The following GRM8 variants were observed in gnomAD, a reference collection of about 807,000 sequenced individuals.
GRM8 encodes metabotropic glutamate receptor 8.
Under a neutral mutation model 87.2 loss-of-function variants are expected in GRM8, and 47 were observed. The observed-to-expected ratio is 0.54, with a 90% CI of 0.43 to 0.69. The LOEUF (loss-of-function observed/expected upper bound fraction) is 0.69. Among genes scored for constraint, GRM8 ranks in the 30% least tolerant of loss-of-function variants. The probability of loss-of-function intolerance (pLI) is 0.00; values close to 1 mark genes in which losing one functional copy is unlikely to be tolerated. For missense variants in GRM8, 1,019 were observed against 1,139.2 expected (o/e 0.89, Z 1.52); for synonymous variants, 396 against 404.5 (o/e 0.98, Z 0.25).
intron 2 of GRM8, among the ~76,000 whole-genome samples, chr7:127,155,400 T>A (rs757221338): frequency 6.6e-6 from 1 of 152,224 alleles, no homozygotes; most frequent in Non-Finnish European, 1.5e-5. Context: ...TCATCCAACG[T>A]AACTCTCATC....
intron 3 of GRM8, among the ~76,000 whole-genome samples, chr7:127,058,866 T>C (rs1820283510): frequency 6.6e-6 from 1 of 152,216 alleles, no homozygotes; most frequent in South Asian, 2.1e-4. Flanking sequence ...CAAAAATATG[T>C]AGTTACCAGT....
At position 126,497,525 on chromosome 7, in the gene GRM8, G is replaced by A. The variant is rs140211333; in HGVS notation, c.2430+35427C>T. Among the ~76,000 whole-genome samples, 361 of 151,954 alleles carry A rather than the reference G, an allele frequency of 2.4e-3. 3 individuals carry two copies. Among genetic ancestry groups the A allele is most frequent in the African/African-American group, 8.1e-3 (338 of 41,504 alleles). The stretch of plus-strand genomic sequence containing the variant: ...ACTGGCTGTGTATGTAGATATATTC[G>A]AAATAATATTAGATGGTCCCAGTTG... On this transcript the variant is annotated intron_variant, in intron 9 of 10. Coordinates refer to ENST00000339582, the MANE Select transcript of GRM8 (RefSeq NM_000845.3).
At chr7:127,213,752 T>C (rs1434163640) in intron 2 of GRM8, among the ~76,000 whole-genome samples, 1 of 152,252 alleles carries the variant, frequency 6.6e-6, no homozygotes, top group African/African-American at 2.4e-5. Flanking sequence ...TTAGGTTTTA[T>C]GTTTACTTTG....
chr7:126,958,103 G>A lies in GRM8; in HGVS notation c.728-53420C>T, dbSNP rs192411958. On this transcript the variant is annotated intron_variant, in intron 3 of 10. Coordinates refer to ENST00000339582, the MANE Select transcript of GRM8 (RefSeq NM_000845.3). ...CTCAACTTGTTGAGGTGACCTGCCT[G>A]CAGAAAGGAGCTACCCTCCTGAGAG... Among the ~76,000 whole-genome samples the A allele has an allele frequency of 4.3e-3, 648 of 152,284 alleles. 1 individual carries two copies. The highest frequency in any genetic ancestry group is 0.01 in the Middle Eastern group (3 of 294).
At chr7:126,469,189 A>G (rs1804855133) in intron 9 of GRM8, among the ~76,000 whole-genome samples, 1 of 152,110 alleles carries the variant, frequency 6.6e-6, no homozygotes, top group African/African-American at 2.4e-5. Flanking sequence ...GTAGATGGCT[A>G]TCACATTCTA....
chr7:126,461,869 T>C (rs1365353591), intron 9 of GRM8, among the ~76,000 whole-genome samples: 1 of 151,698 alleles, frequency 6.6e-6, no homozygotes, highest in African/African-American at 2.4e-5. Flanking sequence ...TTACATTGCA[T>C]TGCATTTTCC....
intron 6 of GRM8, among the ~76,000 whole-genome samples, chr7:126,771,667 C>A (rs1230966888): frequency 6.6e-6 from 1 of 152,114 alleles, no homozygotes; most frequent in South Asian, 2.1e-4. Flanking sequence ...GTTTTCTAAA[C>A]CTTTCTTGCC....
At chr7:127,132,625 G>C (rs1827748532) in intron 2 of GRM8, among the ~76,000 whole-genome samples, 1 of 152,054 alleles carries the variant, frequency 6.6e-6, no homozygotes, top group African/African-American at 2.4e-5. Context: ...TATTTGAAGG[G>C]TCAGATAGGC....
At chr7:126,985,689 G>A (rs577578738) in intron 3 of GRM8, among the ~76,000 whole-genome samples, 1 of 152,264 alleles carries the variant, frequency 6.6e-6, no homozygotes, top group East Asian at 1.9e-4. Context: ...GGAGGAAACT[G>A]AGCATGCTTA....
At chr7:127,055,472 T>C (rs1005445947) in intron 3 of GRM8, among the ~76,000 whole-genome samples, 1 of 152,166 alleles carries the variant, frequency 6.6e-6, no homozygotes, top group Non-Finnish European at 1.5e-5. Flanking sequence ...GAATATTGTA[T>C]AGGGAATTAA....
rs1303479917 is a variant in GRM8, at chr7:127,252,487, C to T, written c.-312+310G>A. On this transcript the variant is annotated intron_variant, in intron 1 of 10. Transcript: ENST00000339582. The surrounding 1 kb of genome is among the most constrained non-coding windows in gnomAD (Gnocchi z 4.9). ...CGGCCAGCCCCTCGCCCCCTGGTGC[C>T]CACTCTCCTTCTCCCCCCATTCCCG... 2 of 152,536 alleles carry T rather than the reference C, an allele frequency of 1.3e-5. No individual in the cohort carries two copies. The highest frequency in any genetic ancestry group is 4.8e-5 in the African/African-American group (2 of 41,404). The allele number at this position is 152,536 out of a possible 1,614,324, so 9.4% of individuals were successfully genotyped here.
At chr7:126,499,920 T>A (rs1584836349) in intron 9 of GRM8, among the ~76,000 whole-genome samples, 1 of 130,904 alleles carries the variant, frequency 7.6e-6, no homozygotes, top group African/African-American at 2.9e-5. Flanking sequence ...TACAATTACT[T>A]TGTTAATTAA....
At chr7:126,702,181 A>G (rs1317459893) in intron 7 of GRM8, among the ~76,000 whole-genome samples, 1 of 152,238 alleles carries the variant, frequency 6.6e-6, no homozygotes, top group Non-Finnish European at 1.5e-5. Flanking sequence ...CTTACAGTCC[A>G]GCAGTGGAAG....
At chr7:126,978,082 T>C (rs1811186984) in intron 3 of GRM8, among the ~76,000 whole-genome samples, 1 of 152,114 alleles carries the variant, frequency 6.6e-6, no homozygotes. Context: ...CTTAGAGATT[T>C]TAGTCTACAG....
At position 126,729,437 on chromosome 7, in the gene GRM8, A is replaced by C. The variant is rs561080080; in HGVS notation, c.1357+40428T>G. Among the ~76,000 whole-genome samples the C allele has an allele frequency of 3.9e-5, 6 of 152,312 alleles. No homozygotes were observed. In the South Asian group the frequency reaches 8.3e-4, roughly 21 times the overall value. On this transcript the variant is annotated intron_variant, in intron 7 of 10. Transcript: ENST00000339582. ...CCCCTTGGGTGGAAAAATTAAGGCC[A>C]TGTCGATTCCAGAAGTCTGCAGCCA...
chr7:126,503,684 T>C (rs1374890865), intron 9 of GRM8, among the ~76,000 whole-genome samples: 1 of 152,048 alleles, frequency 6.6e-6, no homozygotes, highest in Non-Finnish European at 1.5e-5. Flanking sequence ...AAAATTCTTA[T>C]AAAGTTAACA....
At chr7:126,864,902 CTGTT>C (rs79752455) in intron 6 of GRM8, among the ~76,000 whole-genome samples, 9,235 of 152,226 alleles carry the variant, frequency 0.061, 374 homozygotes, top group Non-Finnish European at 0.092. Flanking sequence ...ATTATTTTCT[CTGTT>C]TGGGATTCCT....
intron 9 of GRM8, among the ~76,000 whole-genome samples, chr7:126,466,096 G>C (rs1048449066): frequency 4.3e-4 from 66 of 151,952 alleles, no homozygotes; most frequent in African/African-American, 1.6e-3. Context: ...CAGTCTTCCT[G>C]TCAATAAGTG....
chr7:126,582,192 CAG>C (rs1280957094), intron 8 of GRM8, among the ~76,000 whole-genome samples: 2 of 134,702 alleles, frequency 1.5e-5, no homozygotes, highest in South Asian at 5.2e-4. Context: ...AGTTCTACTC[CAG>C]GGAACACATA....
Sources: gnomAD v4.1 joint callset for allele counts (sites outside exome capture counted in the v4.1 genomes callset) on GRCh38, gnomAD v4.1.1 for gene constraint, Gnocchi (gnomAD v3.1) non-coding constraint, MANE v1.5 for transcripts, NCBI Gene and HGNC (gene_info 2026-07-23, HGNC 2026-07-21) for gene names.